The following NRG3 variants were observed in gnomAD, a reference collection of about 807,000 sequenced individuals.
NRG3 encodes the protein neuregulin 3.
A neutral mutation model predicts 66.9 loss-of-function variants in NRG3; 31 were observed. The observed-to-expected ratio is 0.46, with a 90% CI of 0.35 to 0.63. The LOEUF is 0.63. Ranked by LOEUF, NRG3 falls within the 20% of genes least tolerant of loss-of-function variation. The pLI is 0.00. For missense variants in NRG3, 910 were observed against 878.9 expected (o/e 1.04, Z -0.45); for synonymous variants, 393 against 359.4 (o/e 1.09, Z -1.06).
intron 1 of NRG3, among the ~76,000 whole-genome samples, chr10:81,979,169 C>T (rs976054748): frequency 2.4e-5 from 3 of 126,950 alleles, no homozygotes; most frequent in African/African-American, 9.3e-5. Flanking sequence ...AGCCTGGCGA[C>T]AGGGCGGGAC....
At chr10:82,448,769 CATAT>C (rs1207436676) in intron 2 of NRG3, among the ~76,000 whole-genome samples, 2 of 152,056 alleles carry the variant, frequency 1.3e-5, no homozygotes, top group Non-Finnish European at 2.9e-5. Context: ...AATTCGTATA[CATAT>C]ATATTCATGT....
intron 2 of NRG3, among the ~76,000 whole-genome samples, chr10:82,657,749 AC>A (rs2051988074): frequency 6.6e-6 from 1 of 152,144 alleles, no homozygotes; most frequent in South Asian, 2.1e-4. Context: ...ATTATGAAAA[AC>A]GTTATGTCAA....
intron 2 of NRG3, among the ~76,000 whole-genome samples, chr10:82,584,150 G>C (rs2046526161): frequency 6.6e-6 from 1 of 152,116 alleles, no homozygotes; most frequent in South Asian, 2.1e-4. Flanking sequence ...GCAGTGGTGT[G>C]ATCTCAGCTC....
At chr10:82,535,381 C>A (rs1481556206) in intron 2 of NRG3, among the ~76,000 whole-genome samples, 2 of 151,914 alleles carry the variant, frequency 1.3e-5, no homozygotes, top group African/African-American at 4.8e-5. Flanking sequence ...TACGGAGCAT[C>A]TCATGGAACT....
intron 1 of NRG3, among the ~76,000 whole-genome samples, chr10:82,119,742 T>C (rs1273795771): frequency 6.6e-6 from 1 of 152,184 alleles, no homozygotes; most frequent in East Asian, 1.9e-4. Context: ...TTTTGACTTG[T>C]TATCAGCTTG....
chr10:82,138,521 G>A (rs1220525856), intron 1 of NRG3, among the ~76,000 whole-genome samples: 2 of 152,090 alleles, frequency 1.3e-5, no homozygotes, highest in Admixed American at 6.6e-5. Flanking sequence ...GTATTAGTCA[G>A]GTTCTCTAGA....
chr10:82,523,970 G>A (rs1022033575), intron 2 of NRG3, among the ~76,000 whole-genome samples: 1 of 151,992 alleles, frequency 6.6e-6, no homozygotes, highest in African/African-American at 2.4e-5. Context: ...AGAAGATCTT[G>A]TTTTCCCTTA....
At chr10:82,516,298 A>G (rs1356173775) in intron 2 of NRG3, among the ~76,000 whole-genome samples, 1 of 152,046 alleles carries the variant, frequency 6.6e-6, no homozygotes, top group Non-Finnish European at 1.5e-5. Flanking sequence ...ACCACTTTCA[A>G]TTTTGCTTTA....
At chr10:82,113,944 C>CATGTATGCT (rs1376781012) in intron 1 of NRG3, among the ~76,000 whole-genome samples, 2 of 151,986 alleles carry the variant, frequency 1.3e-5, no homozygotes, top group Non-Finnish European at 2.9e-5. Flanking sequence ...ATTATAGAAA[C>CATGTATGCT]ATGTATGCTT....
rs111355573 is a variant in NRG3, at chr10:82,493,153, T to C, written c.953+134285T>C. ...TTTTTATTTTAAGTTCTGAGGTACA[T>C]GTCTAGGATGTGCAGGTTTGTTACA... On this transcript the variant is annotated intron_variant, in intron 2 of 8. Coordinates refer to ENST00000372141, the MANE Select transcript of NRG3 (RefSeq NM_001010848.4). Among the ~76,000 whole-genome samples, 9 of 152,142 alleles carry C rather than the reference T, an allele frequency of 5.9e-5. 1 individual carries two copies. The highest frequency in any genetic ancestry group is 2.2e-4 in the African/African-American group (9 of 41,512).
chr10:82,365,522 T>C (rs1316857896), intron 2 of NRG3, among the ~76,000 whole-genome samples: 1 of 152,236 alleles, frequency 6.6e-6, no homozygotes, highest in Non-Finnish European at 1.5e-5. Flanking sequence ...TCTTCCTCTC[T>C]GTGGACATAG....
chr10:82,656,253 C>T (rs2051844974), intron 2 of NRG3, among the ~76,000 whole-genome samples: 1 of 150,876 alleles, frequency 6.6e-6, no homozygotes, highest in Non-Finnish European at 1.5e-5. Flanking sequence ...ATCCCTATCA[C>T]TTATATTACA....
chr10:82,407,956 C>G (rs967812789), intron 2 of NRG3, among the ~76,000 whole-genome samples: 5 of 150,502 alleles, frequency 3.3e-5, no homozygotes, highest in Middle Eastern at 3.2e-3. Flanking sequence ...CTAGTGCCAG[C>G]TACTCAGGAG....
intron 3 of NRG3, among the ~76,000 whole-genome samples, chr10:82,807,332 G>A (rs1417346442): frequency 6.6e-6 from 1 of 152,164 alleles, no homozygotes; most frequent in African/African-American, 2.4e-5. Flanking sequence ...ATTTGAGCAA[G>A]TAAACTTGCA....
chr10:82,358,806 C>T lies in NRG3; in HGVS notation c.891C>T (p.Tyr297=). The change falls in exon 2 of 9, where the codon TAC becomes TAT. Residue 297 remains tyrosine (Y), a synonymous_variant. Coordinates refer to ENST00000372141, the MANE Select transcript of NRG3 (RefSeq NM_001010848.4). ...CCTGCCGAGACAAGGACCTTGCATACTGTCTCAATGATGGCGAGTGCTTTG... is the reference window on the plus strand; with the variant it reads ...CCTGCCGAGACAAGGACCTTGCATATTGTCTCAATGATGGCGAGTGCTTTG... ...FKPCRDKDLA[Y]CLNDGECFVI... 2 of 1,614,162 alleles carry T rather than the reference C, an allele frequency of 1.2e-6. No individual in the cohort carries two copies. The highest frequency in any genetic ancestry group is 1.7e-6 in the Non-Finnish European group (2 of 1,180,024).
chr10:81,925,738 C>CT lies in NRG3; in HGVS notation c.823+49584dup, dbSNP rs774609576. Among the ~76,000 whole-genome samples the CT allele has an allele frequency of 9.2e-5, 13 of 141,200 alleles. No individual in the cohort carries two copies. The South Asian group carries it at 1.1e-3, about 12-fold the overall frequency. 92.6% of individuals were successfully genotyped at this position (141,200 alleles called of 152,430 possible). On this transcript the variant is annotated intron_variant, in intron 1 of 8. Coordinates refer to ENST00000372141, the MANE Select transcript of NRG3 (RefSeq NM_001010848.4). Reference sequence around the variant, plus strand: ...GAAAGCTTTTTATTTTCTGAAAAAACTTTTTTTTTAAAAAAAAAAGAGAAA... The same window carrying CT: ...GAAAGCTTTTTATTTTCTGAAAAAACTTTTTTTTTTAAAAAAAAAAGAGAAA...
rs2073324868 is a variant in NRG3, at chr10:82,180,276, A to G, written c.824-178463A>G. On this transcript the variant is annotated intron_variant, in intron 1 of 8. Transcript: ENST00000372141. The stretch of plus-strand genomic sequence containing the variant: ...ATTGCTCACACTAGAACTTCAGTAC[A>G]ATATTGAATAGAAGTGGCATGAGTG... Among the ~76,000 whole-genome samples, 3 of 151,924 alleles carry G rather than the reference A, an allele frequency of 2.0e-5. No homozygotes were observed. The South Asian group carries it at 6.2e-4, about 32-fold the overall frequency.
At chr10:81,963,120 G>A (rs935616332) in intron 1 of NRG3, among the ~76,000 whole-genome samples, 1 of 143,610 alleles carries the variant, frequency 7.0e-6, no homozygotes, top group African/African-American at 2.8e-5. Flanking sequence ...TCTGCCACGA[G>A]GGCTCTTTTT....
At chr10:82,277,238 C>A (rs991042986) in intron 1 of NRG3, among the ~76,000 whole-genome samples, 4 of 151,974 alleles carry the variant, frequency 2.6e-5, no homozygotes, top group Non-Finnish European at 4.4e-5. Context: ...ATGGAAAAAT[C>A]TTTAATCTTA....
Sources: gnomAD v4.1 joint callset for allele counts (sites outside exome capture counted in the v4.1 genomes callset) on GRCh38, gnomAD v4.1.1 for gene constraint, MANE v1.5 for transcripts, NCBI Gene and HGNC (gene_info 2026-07-23, HGNC 2026-07-21) for gene names.